Variants in CCDC146 observed in about 807,000 individuals in gnomAD.
CCDC146 encodes coiled-coil domain-containing protein 146.
Under a neutral mutation model 119.3 loss-of-function variants are expected in CCDC146, and 92 were observed. The ratio of observed to expected loss-of-function variants is 0.77; its 90% confidence interval spans 0.65 to 0.92. The LOEUF (loss-of-function observed/expected upper bound fraction) is 0.92, where lower values mean the gene tolerates loss of function less well. Among genes scored for constraint, CCDC146 ranks in the 40% least tolerant of loss-of-function variants. The pLI is 0.00. For missense variants in CCDC146, 1,000 were observed against 1,103.0 expected (o/e 0.91, Z 1.32); for synonymous variants, 372 against 371.8 (o/e 1.00, Z -0.01).
rs981711568 is a variant in CCDC146 at position 77,125,416 on chromosome 7, G to A, written c.-12+2684G>A. Among the ~76,000 whole-genome samples the A allele has an allele frequency of 6.4e-4, 97 of 151,580 alleles. 2 individuals are homozygous for A. The highest frequency in any genetic ancestry group is 2.2e-3 in the African/African-American group (89 of 41,126). ...TACTTTACAGAAACAATTCCAGAGGGATATATACCACTTGATAACAGTTGT... is the reference window on the plus strand; with the variant it reads ...TACTTTACAGAAACAATTCCAGAGGAATATATACCACTTGATAACAGTTGT... On this transcript the variant is annotated intron_variant, in intron 1 of 18. Transcript: ENST00000285871.
chr7:77,157,576 A>G (rs1242849332), intron 1 of CCDC146, among the ~76,000 whole-genome samples: 3 of 152,186 alleles, frequency 2.0e-5, no homozygotes, highest in Admixed American at 6.5e-5. Flanking sequence ...TTATTGCTTA[A>G]TTATTCTTTG....
intron 2 of CCDC146, among the ~76,000 whole-genome samples, chr7:77,235,119 G>A (rs1792710277): frequency 6.6e-6 from 1 of 152,050 alleles, no homozygotes; most frequent in African/African-American, 2.4e-5. Context: ...ACTGTGCCTG[G>A]GATTATACTG....
intron 1 of CCDC146, among the ~76,000 whole-genome samples, chr7:77,133,940 GTTA>G (rs1475926604): frequency 6.6e-6 from 1 of 151,914 alleles, no homozygotes; most frequent in African/African-American, 2.4e-5. Context: ...TGATTATTTT[GTTA>G]TTATAAGGTG....
intron 9 of CCDC146, among the ~76,000 whole-genome samples, chr7:77,263,779 T>C (rs375738746): frequency 8.7e-4 from 133 of 152,184 alleles, no homozygotes; most frequent in African/African-American, 3.1e-3. Context: ...CAAAAATTGG[T>C]CGGGTGTGCT....
chr7:77,241,713 CT>C lies in CCDC146; in HGVS notation c.263del (p.Leu88ArgfsTer36). On this transcript the variant is annotated frameshift_variant, in exon 4 of 19. Coordinates refer to ENST00000285871, the MANE Select transcript of CCDC146 (RefSeq NM_020879.3). LOFTEE classifies it high-confidence loss of function. ...CAGCACACAAGAGTCAGAGGTCCAACTGCTACAGAATGCCAAACGTTTCACT... is the reference window on the plus strand; with the variant it reads ...CAGCACACAAGAGTCAGAGGTCCAACGCTACAGAATGCCAAACGTTTCACT... Reference protein sequence around the residue: ...VMSTQESEVQLLQNAKRFTEQ... With the variant: ...VMSTQESEVQXLQNAKRFTEQ... 6.2e-7 allele frequency: 1 copy of C among 1,613,920 alleles called. No individual in the cohort carries two copies. Among genetic ancestry groups the C allele is most frequent in the South Asian group, 1.1e-5 (1 of 91,080 alleles).
chr7:77,277,216 A>G (rs1793665823), intron 11 of CCDC146, among the ~76,000 whole-genome samples: 1 of 152,228 alleles, frequency 6.6e-6, no homozygotes, highest in African/African-American at 2.4e-5. Context: ...AGTCTTTCCT[A>G]GTTAGAAACT....
At chr7:77,287,709 C>A in intron 17 of CCDC146, 132 bp downstream of exon 17, 1 of 899,690 alleles carries the variant, frequency 1.1e-6, no homozygotes. Context: ...CTTAGAAAAA[C>A]GAAAGGATGA....
At chr7:77,267,319 A>G (rs1373370365) in intron 9 of CCDC146, among the ~76,000 whole-genome samples, 1 of 152,176 alleles carries the variant, frequency 6.6e-6, no homozygotes, top group African/African-American at 2.4e-5. Flanking sequence ...TCTGAGGCCC[A>G]GTGCTGACTT....
intron 15 of CCDC146, among the ~76,000 whole-genome samples, chr7:77,283,496 A>G (rs1434950852): frequency 6.6e-6 from 1 of 152,142 alleles, no homozygotes; most frequent in Non-Finnish European, 1.5e-5. Context: ...TCTAACCTAT[A>G]ATATTTTTTT....
intron 1 of CCDC146, among the ~76,000 whole-genome samples, chr7:77,150,851 T>C (rs553320087): frequency 6.6e-6 from 1 of 152,216 alleles, no homozygotes; most frequent in Non-Finnish European, 1.5e-5. Context: ...GGTTTATTTA[T>C]GCAATGCAAT....
chr7:77,284,585 T>C (rs945916132), intron 15 of CCDC146, among the ~76,000 whole-genome samples: 5 of 152,000 alleles, frequency 3.3e-5, no homozygotes, highest in African/African-American at 1.2e-4. Flanking sequence ...AGCATATTCT[T>C]TGTGTTCACT....
intron 1 of CCDC146, among the ~76,000 whole-genome samples, chr7:77,135,380 C>T (rs1790847064): frequency 6.6e-6 from 1 of 151,072 alleles, no homozygotes; most frequent in Non-Finnish European, 1.5e-5. Flanking sequence ...TCCAGCTATT[C>T]AGGAGGCTAA....
At chr7:77,142,234 A>G (rs1790943810) in intron 1 of CCDC146, among the ~76,000 whole-genome samples, 1 of 152,164 alleles carries the variant, frequency 6.6e-6, no homozygotes, top group African/African-American at 2.4e-5. Flanking sequence ...AGGCAAGAGA[A>G]AGAAAGAAAG....
intron 1 of CCDC146, among the ~76,000 whole-genome samples, chr7:77,151,674 C>T (rs1308401325): frequency 1.3e-5 from 2 of 152,088 alleles, no homozygotes; most frequent in Non-Finnish European, 2.9e-5. Flanking sequence ...TCTCCTCCTC[C>T]TGGACATAAG....
At chr7:77,201,307 C>A (rs376598446) in intron 2 of CCDC146, among the ~76,000 whole-genome samples, 1 of 151,432 alleles carries the variant, frequency 6.6e-6, no homozygotes, top group Admixed American at 6.6e-5. Flanking sequence ...ATTGGGAGGC[C>A]GAGGCATGTG....
chr7:77,196,241 A>G lies in CCDC146; in HGVS notation c.156+28417A>G, dbSNP rs377459664. On this transcript the variant is annotated intron_variant, in intron 2 of 18. Transcript: ENST00000285871. This position sits in a 1 kb window ranked among gnomAD's most constrained non-coding sequence, Gnocchi z 4.2. ...AAGTGCTGAAGGAATTAATTGCCCTATTAGATAACGAATACCTGGAGGAAT... is the reference window on the plus strand; with the variant it reads ...AAGTGCTGAAGGAATTAATTGCCCTGTTAGATAACGAATACCTGGAGGAAT... 1.7e-5 allele frequency: 25 copies of G among 1,451,446 alleles called. 1 individual carries two copies. The highest frequency in any genetic ancestry group is 1.6e-4 in the South Asian group (13 of 81,914). The allele number at this position is 1,451,446 out of a possible 1,614,324, so 89.9% of individuals were successfully genotyped here.
intron 3 of CCDC146, 129 bp from the exon 4 acceptor site, chr7:77,241,562 G>A (rs1481738532): frequency 4.0e-6 from 3 of 741,990 alleles, no homozygotes; most frequent in African/African-American, 3.5e-5. Flanking sequence ...CAACTGACTT[G>A]GCACAAAAAT....
chr7:77,128,447 G>A (rs1343653246), intron 1 of CCDC146, among the ~76,000 whole-genome samples: 1 of 151,568 alleles, frequency 6.6e-6, no homozygotes, highest in Admixed American at 6.6e-5. Context: ...AAAGTCTAAA[G>A]AATAATAGTA....
chr7:77,212,204 A>C (rs1792197453), intron 2 of CCDC146, among the ~76,000 whole-genome samples: 1 of 152,234 alleles, frequency 6.6e-6, no homozygotes, highest in East Asian at 1.9e-4. Context: ...TATTTTCAAA[A>C]TAAATATACA....
Sources: gnomAD v4.1 joint callset for allele counts (sites outside exome capture counted in the v4.1 genomes callset) on GRCh38, gnomAD v4.1.1 for gene constraint, Gnocchi (gnomAD v3.1) non-coding constraint, MANE v1.5 for transcripts, NCBI Gene and HGNC (gene_info 2026-07-23, HGNC 2026-07-21) for gene names.